FPR3: variants seen among roughly 807,000 people sequenced by gnomAD.
FPR3 encodes the protein N-formyl peptide receptor 3.
For missense variants in FPR3, 346 were observed against 443.2 expected (o/e 0.78, Z 1.97); for synonymous variants, 135 against 163.6 (o/e 0.83, Z 1.34).
chr19:51,795,501 ATTCTTTTTTTTT>A (rs2083991241), intron 1 of FPR3, among the ~76,000 whole-genome samples, 170 bp downstream of exon 1: 3 of 77,100 alleles, frequency 3.9e-5, no homozygotes, highest in African/African-American at 1.2e-4. Context: ...TTCCAGTAAC[ATTCTTTTTTTTT>A]TTTTTTTTTT....
At chr19:51,809,437 T>C (rs2122439646) in intron 1 of FPR3, among the ~76,000 whole-genome samples, 1 of 152,332 alleles carries the variant, frequency 6.6e-6, no homozygotes, top group South Asian at 2.1e-4. Flanking sequence ...CAGGTAGGTC[T>C]ATTAGAGGCT....
rs781059093 is a variant in FPR3 at position 51,824,692 on chromosome 19, G to A, written c.944G>A (p.Arg315His). The change falls in exon 2 of 2, where the codon CGC becomes CAC. Residue 315 changes from arginine (R) to histidine (H), a missense_variant. Transcript: ENST00000339223. The surrounding 1 kb of genome is among the most constrained non-coding windows in gnomAD (Gnocchi z 4.7). Reference protein sequence around the residue: ...MGRNFQERLIRSLPTSLERAL... With the variant: ...MGRNFQERLIHSLPTSLERAL... ...CGTAACTTCCAAGAAAGACTGATTC[G>A]CTCTTTGCCCACTAGTTTGGAGAGG... 1.4e-5 allele frequency: 22 copies of A among 1,613,794 alleles called. No individual in the cohort carries two copies. The highest frequency in any genetic ancestry group is 4.0e-5 in the African/African-American group (3 of 74,848).
intron 1 of FPR3, among the ~76,000 whole-genome samples, chr19:51,807,868 T>G (rs2084070519): frequency 1.3e-5 from 2 of 152,340 alleles, no homozygotes; most frequent in African/African-American, 2.4e-5. Context: ...ATTTGTGACC[T>G]ATGCCTGCCC....
At chr19:51,806,664 G>A (rs2084060903) in intron 1 of FPR3, among the ~76,000 whole-genome samples, 1 of 152,228 alleles carries the variant, frequency 6.6e-6, no homozygotes, top group Non-Finnish European at 1.5e-5. Context: ...TGAAAAGCAT[G>A]ACTAGTATAA....
chr19:51,815,433 G>A (rs575708001), intron 1 of FPR3, among the ~76,000 whole-genome samples: 8 of 151,900 alleles, frequency 5.3e-5, no homozygotes, highest in South Asian at 2.1e-4. Context: ...GGTGATGTGC[G>A]CCTGTAGCCC....
At chr19:51,815,062 G>A (rs868402541) in intron 1 of FPR3, among the ~76,000 whole-genome samples, 3 of 152,084 alleles carry the variant, frequency 2.0e-5, no homozygotes, top group African/African-American at 7.2e-5. Context: ...CGCCCACCTC[G>A]GCCTCCCAAA....
At chr19:51,807,532 G>A (rs1039290185) in intron 1 of FPR3, among the ~76,000 whole-genome samples, 1 of 152,178 alleles carries the variant, frequency 6.6e-6, no homozygotes, top group Non-Finnish European at 1.5e-5. Context: ...ACAGCTGACT[G>A]CAACTAGCTC....
chr19:51,814,129 GAAAACATCC>G (rs1309004654), intron 1 of FPR3, among the ~76,000 whole-genome samples: 1 of 152,124 alleles, frequency 6.6e-6, no homozygotes, highest in Admixed American at 6.5e-5. Context: ...CTTTATCACT[GAAAACATCC>G]TTTGGTATAG....
In FPR3 at chr19:51,810,744, G is replaced by A. The variant is rs190761632; in HGVS notation, c.-10-12995G>A. ...CGCATAGCACCAAACACAGATTCTA[G>A]CAATCCTAAGGTCAACCGGCTCTGT... On this transcript the variant is annotated intron_variant, in intron 1 of 1. Transcript: ENST00000339223. Among the ~76,000 whole-genome samples the A allele has an allele frequency of 4.8e-4, 73 of 152,260 alleles. 1 individual carries two copies. Among genetic ancestry groups the A allele is most frequent in the Admixed American group, 1.2e-3 (18 of 15,294 alleles).
At chr19:51,801,276 T>C (rs867531022) in intron 1 of FPR3, among the ~76,000 whole-genome samples, 33 of 152,000 alleles carry the variant, frequency 2.2e-4, no homozygotes, top group African/African-American at 8.0e-4. Flanking sequence ...GGAAATTAAA[T>C]CCATTATATA....
At chr19:51,798,387 CA>C (rs2084011848) in intron 1 of FPR3, among the ~76,000 whole-genome samples, 1 of 152,146 alleles carries the variant, frequency 6.6e-6, no homozygotes, top group African/African-American at 2.4e-5. Flanking sequence ...TTAACCAGCC[CA>C]AAATGCCATT....
chr19:51,803,502 C>G (rs2122417537), intron 1 of FPR3, among the ~76,000 whole-genome samples: 1 of 151,900 alleles, frequency 6.6e-6, no homozygotes, highest in Non-Finnish European at 1.5e-5. Context: ...TTTACTCATT[C>G]TTCTCGTCTT....
At chr19:51,814,572 C>A (rs535462131) in intron 1 of FPR3, among the ~76,000 whole-genome samples, 2 of 152,244 alleles carry the variant, frequency 1.3e-5, no homozygotes, top group South Asian at 4.2e-4. Flanking sequence ...CGGCTCACTG[C>A]AACCTCCATC....
At chr19:51,818,071 C>T (rs55883913) in intron 1 of FPR3, among the ~76,000 whole-genome samples, 57,542 of 150,970 alleles carry the variant, frequency 0.38, 11,219 homozygotes, top group South Asian at 0.52. Flanking sequence ...GGGACATGGA[C>T]GAAGCTGGAA....
At chr19:51,809,547 AGCAATAATTG>A (rs2084083411) in intron 1 of FPR3, among the ~76,000 whole-genome samples, 1 of 152,212 alleles carries the variant, frequency 6.6e-6, no homozygotes, top group Non-Finnish European at 1.5e-5. Context: ...GCAGGGAATA[AGCAATAATTG>A]AGCAGTATAT....
At chr19:51,823,482 C>T (rs138224938) in intron 1 of FPR3, among the ~76,000 whole-genome samples, 10 of 152,212 alleles carry the variant, frequency 6.6e-5, no homozygotes, top group East Asian at 3.9e-4. Context: ...TCAGTATTTC[C>T]GCTGGTGGAC....
chr19:51,816,332 C>T (rs1599837836), intron 1 of FPR3, among the ~76,000 whole-genome samples: 1 of 152,196 alleles, frequency 6.6e-6, no homozygotes, highest in Admixed American at 6.5e-5. Context: ...ACTACAACCT[C>T]TTCTTCCTGG....
intron 1 of FPR3, among the ~76,000 whole-genome samples, chr19:51,808,129 G>T (rs2084072691): frequency 6.6e-6 from 1 of 152,220 alleles, no homozygotes; most frequent in Non-Finnish European, 1.5e-5. Context: ...GTTAGTTGCT[G>T]CAGGGAATTT....
rs773248236 is a variant in FPR3, at chr19:51,824,159, C to T, written c.411C>T (p.Arg137=). ...VLHPAWAQNH[R]TMSLAKRVMT... ...ATCCAGCCTGGGCCCAGAACCATCG[C>T]ACCATGAGTCTGGCCAAGAGGGTGA... The change falls in exon 2 of 2, where the codon CGC becomes CGT. Residue 137 remains arginine, a synonymous_variant. Transcript: ENST00000339223. The surrounding 1 kb of genome is among the most constrained non-coding windows in gnomAD (Gnocchi z 4.7). 3 of 1,614,056 alleles carry T rather than the reference C, an allele frequency of 1.9e-6. No homozygotes were observed. Among genetic ancestry groups the T allele is most frequent in the Non-Finnish European group, 2.5e-6 (3 of 1,179,968 alleles).
Sources: allele counts gnomAD v4.1 joint callset (sites outside exome capture counted in the v4.1 genomes callset), GRCh38; gene constraint gnomAD v4.1.1; non-coding constraint Gnocchi (gnomAD v3.1); transcripts MANE v1.5; gene names NCBI Gene and HGNC (gene_info 2026-07-23, HGNC 2026-07-21).